FLNB: variants seen among roughly 807,000 people sequenced by gnomAD.
FLNB encodes the protein filamin-B.
A neutral mutation model predicts 250.6 loss-of-function variants in FLNB; 111 were observed. The observed-to-expected ratio is 0.44, with a 90% CI of 0.38 to 0.52. The LOEUF (loss-of-function observed/expected upper bound fraction) is 0.52. FLNB is among the 20% of genes least tolerant of loss of function. The pLI, the probability that FLNB is intolerant of heterozygous loss-of-function variation, is 0.00. For missense variants in FLNB, 2,869 were observed against 3,447.8 expected (o/e 0.83, Z 4.20); for synonymous variants, 1,302 against 1,372.1 (o/e 0.95, Z 1.13).
At chr3:58,109,423 A>T in intron 14 of FLNB, 101 bp downstream of exon 14, 1 of 1,584,658 alleles carries the variant, frequency 6.3e-7, no homozygotes, top group Non-Finnish European at 8.6e-7. Flanking sequence ...TATGGAAGGA[A>T]CCCATCCCTG....
intron 1 of FLNB, among the ~76,000 whole-genome samples, chr3:58,056,600 G>GTATT (rs1218513946): frequency 1.3e-5 from 2 of 151,802 alleles, no homozygotes; most frequent in Admixed American, 6.6e-5. Context: ...ACTCAGTTAT[G>GTATT]TATTTATTTA....
chr3:58,118,818 C>T, intron 18 of FLNB, 54 bp from the exon 19 acceptor site: 1 of 1,344,966 alleles, frequency 7.4e-7, no homozygotes, highest in Non-Finnish European at 1.1e-6. Context: ...ATTTTAAATG[C>T]CAAGTTAGCT....
Position 58,142,865 on chromosome 3 carries a change from G to T in FLNB, c.5284+113G>T. On this transcript the variant is annotated intron_variant, in intron 31 of 45. Coordinates refer to ENST00000295956, the MANE Select transcript of FLNB (RefSeq NM_001457.4). The surrounding 1 kb of genome is among the most constrained non-coding windows in gnomAD (Gnocchi z 4.3). ...CCAGACCCAGGCTCCTTAACCCAGG[G>T]TCACGAGTTCTTGGTCTCCGGTGTT... 1.1e-6 allele frequency: 1 copy of T among 894,150 alleles called. No homozygotes were observed. The highest frequency in any genetic ancestry group is 2.5e-5 in the East Asian group (1 of 40,438). The allele number at this position is 894,150 out of a possible 1,614,324, so 55.4% of individuals were successfully genotyped here.
At chr3:58,078,508 G>A in intron 2 of FLNB, 1 of 1,536,362 alleles carries the variant, frequency 6.5e-7, no homozygotes, top group Non-Finnish European at 8.7e-7. Context: ...AGCACCCGGA[G>A]GAGAAGTCTC....
In FLNB at chr3:58,097,938, A is replaced by G; in HGVS notation, c.1108A>G (p.Ile370Val). Residue 370 changes from isoleucine (I) to valine (V), a missense_variant, in exon 7 of 46, where the codon ATC (isoleucine) becomes GTC (valine). Ile to Val is a conservative substitution (Grantham distance 29, BLOSUM62 3). Transcript: ENST00000295956. ...KGPGLEAVGN[I>V]ANKPTYFDIY... ...TCCAGGGTTGGAAGCTGTAGGGAACATCGCCAATAAGCCCACCTACTTTGA... is the reference window on the plus strand; with the variant it reads ...TCCAGGGTTGGAAGCTGTAGGGAACGTCGCCAATAAGCCCACCTACTTTGA... 6.2e-7 allele frequency: 1 copy of G among 1,614,192 alleles called. No homozygotes were observed. Among genetic ancestry groups the G allele is most frequent in the Non-Finnish European group, 8.5e-7 (1 of 1,180,016 alleles).
chr3:58,104,316 T>C (rs570785070), intron 10 of FLNB, among the ~76,000 whole-genome samples: 20 of 151,228 alleles, frequency 1.3e-4, no homozygotes, highest in African/African-American at 4.9e-4. Context: ...TAGGGGCTGG[T>C]GGGAGGCAGG....
chr3:58,070,437 A>G (rs78075334), intron 1 of FLNB, among the ~76,000 whole-genome samples: 1,825 of 152,268 alleles, frequency 0.012, 27 homozygotes, highest in South Asian at 0.026. Flanking sequence ...AGGAAAAATA[A>G]GGTTCAGAGA....
intron 1 of FLNB, among the ~76,000 whole-genome samples, chr3:58,074,664 G>A (rs1036143055): frequency 6.6e-6 from 1 of 152,226 alleles, no homozygotes; most frequent in Non-Finnish European, 1.5e-5. Flanking sequence ...AAACGTTAGT[G>A]ATACATTTGG....
chr3:58,124,309 T>C, intron 21 of FLNB, 23 bp from the exon 22 acceptor site: 1 of 1,614,076 alleles, frequency 6.2e-7, no homozygotes, highest in Non-Finnish European at 8.5e-7. Context: ...GGTGGCAGTG[T>C]TAGCTATGTG....
chr3:58,148,938 C>A, intron 36 of FLNB, 86 bp downstream of exon 36: 2 of 1,187,886 alleles, frequency 1.7e-6, no homozygotes, highest in South Asian at 1.2e-5. Context: ...ATCCTACCAA[C>A]TCCTTTTCCT....
chr3:58,168,308 G>T (rs2097374427), intron 43 of FLNB, 132 bp from the exon 44 acceptor site: 1 of 749,846 alleles, frequency 1.3e-6, no homozygotes, highest in South Asian at 1.5e-5. Context: ...CAGAGCTAGT[G>T]CCAGTGGGTT....
rs202128264 is a variant in FLNB, at chr3:58,123,500, C to T, written c.3534C>T (p.Ala1178=). 1.1e-4 allele frequency: 174 copies of T among 1,603,300 alleles called. No individual in the cohort carries two copies. In the East Asian group the frequency reaches 2.6e-3, roughly 24 times the overall value. ...CTGTCTCGGACTCGGGAACAAAAGC[C>T]GAAGTCAGTATTCAGAACAACAAAG... is the stretch of plus-strand genomic sequence containing the variant. ...LEAVSDSGTK[A]EVSIQNNKDG... Residue 1178 remains alanine (A), a synonymous_variant, in exon 21 of 46, where the codon GCC becomes GCT. Coordinates refer to ENST00000295956, the MANE Select transcript of FLNB (RefSeq NM_001457.4).
chr3:58,034,137 A>G (rs2097134761), intron 1 of FLNB, among the ~76,000 whole-genome samples: 1 of 152,198 alleles, frequency 6.6e-6, no homozygotes, highest in Non-Finnish European at 1.5e-5. Flanking sequence ...CAGGGATTAT[A>G]GGTGTGAGCC....
chr3:58,050,779 G>C (rs2106838928), intron 1 of FLNB, among the ~76,000 whole-genome samples: 1 of 152,296 alleles, frequency 6.6e-6, no homozygotes, highest in Middle Eastern at 3.4e-3. Flanking sequence ...GCTGAGACAG[G>C]TCCTCTGTGC....
chr3:58,044,954 C>G (rs977615274), intron 1 of FLNB, among the ~76,000 whole-genome samples: 1 of 152,186 alleles, frequency 6.6e-6, no homozygotes, highest in African/African-American at 2.4e-5. Context: ...AAACACTAAT[C>G]AGTGCTGATT....
At position 58,096,122 on chromosome 3, in the gene FLNB, T is replaced by G; in HGVS notation, c.907-19T>G. 6.2e-7 allele frequency: 1 copy of G among 1,604,266 alleles called. No homozygotes were observed. The highest frequency in any genetic ancestry group is 8.5e-7 in the Non-Finnish European group (1 of 1,171,656). ...CACACCCGGCACCTTTTCTAACTGT[T>G]GCCCACCTTCCCTCCTAGGCACAAG... is the stretch of plus-strand genomic sequence containing the variant. On this transcript the variant is annotated intron_variant, in intron 5 of 45. Transcript: ENST00000295956.
In FLNB at chr3:58,112,136, T is replaced by A; in HGVS notation, c.2576-13T>A. 6.2e-7 allele frequency: 1 copy of A among 1,613,608 alleles called. No individual in the cohort carries two copies. Among genetic ancestry groups the A allele is most frequent in the Non-Finnish European group, 8.5e-7 (1 of 1,179,644 alleles). The stretch of plus-strand genomic sequence containing the variant: ...GCTGGTCTGTCTCCTCACTTCACAG[T>A]ATATCTTTCCAGGTGTGGAAAATGG... On this transcript the variant is annotated splice_polypyrimidine_tract_variant and intron_variant, in intron 17 of 45. Transcript: ENST00000295956.
At chr3:58,058,971 T>C (rs1045000522) in intron 1 of FLNB, among the ~76,000 whole-genome samples, 2 of 152,248 alleles carry the variant, frequency 1.3e-5, no homozygotes, top group Admixed American at 6.5e-5. Flanking sequence ...TCTTTGGAGA[T>C]AAAATTTTTA....
At position 58,146,005 on chromosome 3, in the gene FLNB, A is replaced by G. The variant is rs773505114; in HGVS notation, c.5510A>G (p.Asn1837Ser). 18 of 1,614,106 alleles carry G rather than the reference A, an allele frequency of 1.1e-5. No homozygotes were observed. Among genetic ancestry groups the G allele is most frequent in the Admixed American group, 1.7e-5 (1 of 60,006 alleles). Residue 1837 changes from asparagine (N) to serine (S), a missense_variant, in exon 33 of 46, where the codon AAC (asparagine) becomes AGC (serine). By Grantham distance (46) the Asn-to-Ser change is conservative. Coordinates refer to ENST00000295956, the MANE Select transcript of FLNB (RefSeq NM_001457.4). ...YGPGLVYGVA[N>S]KTATFTIVTE... Reference sequence around the variant, plus strand: ...CCAGGCCTCGTGTATGGAGTGGCCAACAAAACTGCCACCTTCACCATCGTC... The same window carrying G: ...CCAGGCCTCGTGTATGGAGTGGCCAGCAAAACTGCCACCTTCACCATCGTC...
Sources: allele counts gnomAD v4.1 joint callset (sites outside exome capture counted in the v4.1 genomes callset), GRCh38; gene constraint gnomAD v4.1.1; non-coding constraint Gnocchi (gnomAD v3.1); transcripts MANE v1.5; gene names NCBI Gene and HGNC (gene_info 2026-07-23, HGNC 2026-07-21).